SLC9A1: variants seen among roughly 807,000 people sequenced by gnomAD.
SLC9A1 encodes sodium/hydrogen exchanger 1.
A neutral mutation model predicts 67.9 loss-of-function variants in SLC9A1; 22 were observed. That is an observed-to-expected ratio of 0.32 (90% confidence interval 0.23 to 0.46). The LOEUF (loss-of-function observed/expected upper bound fraction) is 0.46. SLC9A1 is among the 20% of genes least tolerant of loss of function. The probability of loss-of-function intolerance (pLI) is 1.00; values close to 1 mark genes in which losing one functional copy is unlikely to be tolerated. For missense variants in SLC9A1, 686 were observed against 1,094.8 expected, an observed-to-expected ratio of 0.63 and a Z score of 5.27; for synonymous variants, 421 against 471.8, an observed-to-expected ratio of 0.89 and a Z score of 1.40.
At chr1:27,131,002 G>T (rs748210911) in intron 1 of SLC9A1, among the ~76,000 whole-genome samples, 8 of 152,232 alleles carry the variant, frequency 5.3e-5, no homozygotes, top group Admixed American at 1.3e-4. Context: ...AGGAGATAAG[G>T]AAGCCTTTGT....
intron 4 of SLC9A1, among the ~76,000 whole-genome samples, chr1:27,107,111 A>ACCCACACC (rs2083190441): frequency 1.4e-5 from 1 of 70,856 alleles, no homozygotes. Context: ...ACACACACAC[A>ACCCACACC]CACACACCCA....
chr1:27,150,432 G>A (rs993557019), intron 1 of SLC9A1, among the ~76,000 whole-genome samples: 2 of 152,204 alleles, frequency 1.3e-5, no homozygotes, highest in Non-Finnish European at 2.9e-5. Context: ...GATGCCAGTG[G>A]TGAGCTGAGT....
chr1:27,153,902 G>T, intron 1 of SLC9A1, 81 bp downstream of exon 1: 2 of 924,584 alleles, frequency 2.2e-6, no homozygotes, highest in South Asian at 1.7e-5. Context: ...CTTACTCCTG[G>T]ACAGCCTCAA....
At chr1:27,129,674 C>T (rs1473130987) in intron 1 of SLC9A1, among the ~76,000 whole-genome samples, 1 of 152,142 alleles carries the variant, frequency 6.6e-6, no homozygotes, top group Admixed American at 6.5e-5. Context: ...ACTTGGTTGA[C>T]GTTACACAGC....
rs2124124055 is a variant in SLC9A1, at chr1:27,100,472, G to GC, written c.2282dup (p.Ile762HisfsTer23). 2.5e-6 allele frequency: 4 copies of GC among 1,614,064 alleles called. No homozygotes were observed. The highest frequency in any genetic ancestry group is 3.4e-6 in the Non-Finnish European group (4 of 1,179,938). On this transcript the variant is annotated frameshift_variant, in exon 12 of 12. Transcript: ENST00000263980. LOFTEE classifies it high-confidence loss of function. The surrounding 1 kb of genome is among the most constrained non-coding windows in gnomAD (Gnocchi z 5.6). ...AAGTCTCCTTGCTCCGCATCATGAT[G>GC]CCCCCATCGTCGTCCTCGTCCTCCT...
Position 27,109,870 on chromosome 1 carries a change from T to A in SLC9A1, c.814-93A>T. Reference sequence around the variant, plus strand: ...CCCAGGGCAATCCTGTCCCCTCCGTTAACCATGGCCACAAGAAGAGGCCAC... The same window carrying A: ...CCCAGGGCAATCCTGTCCCCTCCGTAAACCATGGCCACAAGAAGAGGCCAC... On this transcript the variant is annotated intron_variant, in intron 2 of 11. Coordinates refer to ENST00000263980, the MANE Select transcript of SLC9A1 (RefSeq NM_003047.5). This position sits in a 1 kb window ranked among gnomAD's most constrained non-coding sequence, Gnocchi z 5.5. 1 of 1,432,824 alleles carries A rather than the reference T, an allele frequency of 7.0e-7. No individual in the cohort carries two copies. Among genetic ancestry groups the A allele is most frequent in the Non-Finnish European group, 9.6e-7 (1 of 1,040,162 alleles). 88.8% of individuals were successfully genotyped at this position (1,432,824 alleles called of 1,614,324 possible).
At chr1:27,116,417 C>A (rs76448069) in intron 1 of SLC9A1, among the ~76,000 whole-genome samples, 1 of 152,222 alleles carries the variant, frequency 6.6e-6, no homozygotes, top group African/African-American at 2.4e-5. Context: ...GAACACTATC[C>A]AGGCCCAGAA....
intron 1 of SLC9A1, among the ~76,000 whole-genome samples, chr1:27,129,338 C>G (rs2083369477): frequency 1.3e-5 from 2 of 152,204 alleles, no homozygotes; most frequent in Non-Finnish European, 2.9e-5. Flanking sequence ...TGCCTCCTCT[C>G]CCACCACACT....
At chr1:27,105,681 T>C (rs1245936517) in intron 5 of SLC9A1, 1 of 714,490 alleles carries the variant, frequency 1.4e-6, no homozygotes, top group East Asian at 2.7e-5. Context: ...TCAGTCACTC[T>C]GCAATGACTC....
chr1:27,147,982 G>A (rs911070006), intron 1 of SLC9A1, among the ~76,000 whole-genome samples: 6 of 151,754 alleles, frequency 4.0e-5, no homozygotes, highest in Non-Finnish European at 8.8e-5. Flanking sequence ...CAAAAAGAGC[G>A]AAACTCTTGT....
At chr1:27,131,977 T>TATATAA (rs1557428286) in intron 1 of SLC9A1, among the ~76,000 whole-genome samples, 2 of 116,638 alleles carry the variant, frequency 1.7e-5, no homozygotes, top group African/African-American at 3.3e-5. Flanking sequence ...TATATATATA[T>TATATAA]AAAATTATGG....
intron 2 of SLC9A1, among the ~76,000 whole-genome samples, chr1:27,112,831 C>T (rs2083237168): frequency 6.9e-6 from 1 of 144,272 alleles, no homozygotes; most frequent in Admixed American, 7.4e-5. Context: ...TTGCAGTGAG[C>T]TGAGCTTGCG....
In SLC9A1 at chr1:27,152,178, G is replaced by A. The variant is rs898802993; in HGVS notation, c.352+1805C>T. On this transcript the variant is annotated intron_variant, in intron 1 of 11. Coordinates refer to ENST00000263980, the MANE Select transcript of SLC9A1 (RefSeq NM_003047.5). ...GGGTCCCGGGCACAGCACTTGGGTG[G>A]TGACAAAGCAGGCCAGGCCAAGCTG... Among the ~76,000 whole-genome samples the A allele has an allele frequency of 4.6e-5, 7 of 152,182 alleles. No individual in the cohort carries two copies. The South Asian group carries it at 1.5e-3, about 32-fold the overall frequency.
intron 1 of SLC9A1, among the ~76,000 whole-genome samples, chr1:27,128,985 T>C (rs577497268): frequency 2.6e-5 from 4 of 151,668 alleles, no homozygotes; most frequent in South Asian, 2.1e-4. Flanking sequence ...AACAAACAAA[T>C]GCATGCACGC....
chr1:27,148,712 G>A (rs181299836), intron 1 of SLC9A1, among the ~76,000 whole-genome samples: 2 of 152,056 alleles, frequency 1.3e-5, no homozygotes, highest in African/African-American at 4.8e-5. Context: ...ACAAATTTCA[G>A]TGCTAATGAG....
chr1:27,152,709 T>C (rs558337575), intron 1 of SLC9A1, among the ~76,000 whole-genome samples: 1 of 152,312 alleles, frequency 6.6e-6, no homozygotes, highest in South Asian at 2.1e-4. Context: ...TGTGACCAGC[T>C]TGGCACAAGA....
rs1215733318 is a variant in SLC9A1 at position 27,137,898 on chromosome 1, T to C, written c.352+16085A>G. On this transcript the variant is annotated intron_variant, in intron 1 of 11. Transcript: ENST00000263980. The surrounding 1 kb of genome is among the most constrained non-coding windows in gnomAD (Gnocchi z 4.6). ...CTCCAGCGTCCTGCTCGCCCCTCCC[T>C]GCTAGCAGCTCTCCTAGGCTGGAGC... Among the ~76,000 whole-genome samples the C allele has an allele frequency of 3.3e-5, 5 of 152,204 alleles. No individual in the cohort carries two copies. The highest frequency in any genetic ancestry group is 7.3e-5 in the Non-Finnish European group (5 of 68,030).
chr1:27,117,575 G>A (rs2083279792), intron 1 of SLC9A1, among the ~76,000 whole-genome samples: 1 of 152,168 alleles, frequency 6.6e-6, no homozygotes, highest in Non-Finnish European at 1.5e-5. Flanking sequence ...TGGGGAGGGG[G>A]CAGGCATGTG....
chr1:27,154,254 C>T lies in SLC9A1; in HGVS notation c.81G>A (p.Gly27=). The T allele has an allele frequency of 6.2e-7, 1 of 1,613,770 alleles. No individual in the cohort carries two copies. Among genetic ancestry groups the T allele is most frequent in the Non-Finnish European group, 8.5e-7 (1 of 1,179,864 alleles). The part of the protein sequence containing the change: ...PSLLVVVALV[G]LLPVLRSHGL... Reference sequence around the variant, plus strand: ...CATGGCTCCTGAGAACAGGCAGCAGCCCCACCAAAGCAACCACCACGAGTA... The same window carrying T: ...CATGGCTCCTGAGAACAGGCAGCAGTCCCACCAAAGCAACCACCACGAGTA... The change falls in exon 1 of 12, where the codon GGG becomes GGA. Residue 27 remains glycine, a synonymous_variant. Transcript: ENST00000263980.
Sources: gnomAD v4.1 joint callset for allele counts (sites outside exome capture counted in the v4.1 genomes callset) on GRCh38, gnomAD v4.1.1 for gene constraint, Gnocchi (gnomAD v3.1) non-coding constraint, MANE v1.5 for transcripts, NCBI Gene and HGNC (gene_info 2026-07-23, HGNC 2026-07-21) for gene names.